Variants in C2orf49 observed in about 807,000 individuals in gnomAD.
The protein encoded by C2orf49 is tRNA splicing ligase complex subunit 2, also known as tRNA-splicing ligase complex subunit ASW.
Under a neutral mutation model 20.6 loss-of-function variants are expected in C2orf49, and 11 were observed. The observed-to-expected ratio is 0.53, with a 90% CI of 0.34 to 0.88. C2orf49 has a LOEUF of 0.88. Among genes scored for constraint, C2orf49 ranks in the 40% least tolerant of loss-of-function variants. The pLI is 0.02. For synonymous variants in C2orf49, 134 were observed against 108.5 expected, an observed-to-expected ratio of 1.24 and a Z score of -1.46; for missense variants, 289 against 274.2, an observed-to-expected ratio of 1.05 and a Z score of -0.38.
At chr2:105,362,542 G>A in the C2orf49 span, among the ~76,000 whole-genome samples, 1 of 152,208 alleles carries the variant, frequency 6.6e-6, no homozygotes, top group Non-Finnish European at 1.5e-5. Flanking sequence ...CCTCTGATAG[G>A]AACGAACCAG....
chr2:105,344,746 A>ATT lies in C2orf49; in HGVS notation c.643-556_643-555dup, dbSNP rs563406363. 9.7e-3 allele frequency among the ~76,000 whole-genome samples: 1,409 copies of ATT among 145,268 alleles called. 34 individuals carry two copies. Among genetic ancestry groups the ATT allele is most frequent in the African/African-American group, 0.034 (1,345 of 39,834 alleles). ...AGGCGCCTGCCACCACACCCAGCTA[A>ATT]TTTTTTTTTTTTTTATTTTTGTAGA... is the stretch of plus-strand genomic sequence containing the variant. On this transcript the variant is annotated intron_variant, in intron 3 of 3. Coordinates refer to ENST00000258457, the MANE Select transcript of C2orf49 (RefSeq NM_024093.3).
downstream of C2orf49, among the ~76,000 whole-genome samples, chr2:105,354,059 A>AT (rs1679994689): frequency 6.6e-6 from 1 of 152,220 alleles, no homozygotes; most frequent in South Asian, 2.1e-4. Context: ...CTCGGGCTTC[A>AT]TTTTTGTGAT....
Position 105,346,025 on chromosome 2 carries a change from T to C in C2orf49, c.*654T>C, listed in dbSNP as rs1470967362. On this transcript the variant is annotated 3_prime_UTR_variant, in exon 4 of 4. Transcript: ENST00000258457. The stretch of plus-strand genomic sequence containing the variant: ...CTCTCATTAGCCTTGTTCAGAGTCT[T>C]TGGGGGAAATTTGAGATTTTTGAGA... 2.6e-5 allele frequency: 4 copies of C among 152,180 alleles called. No homozygotes were observed. The highest frequency in any genetic ancestry group is 7.2e-5 in the African/African-American group (3 of 41,428). 9.4% of individuals were successfully genotyped at this position (152,180 alleles called of 1,614,324 possible). A position where few individuals can be genotyped will look rare whatever the true frequency, so the allele number is the denominator to read the frequency against.
the C2orf49 span, among the ~76,000 whole-genome samples, chr2:105,384,833 G>A: frequency 6.6e-6 from 1 of 152,212 alleles, no homozygotes; most frequent in African/African-American, 2.4e-5. Flanking sequence ...TTATAGATGT[G>A]GAGATGTGCA....
chr2:105,341,410 T>C (rs1225454816), intron 2 of C2orf49, among the ~76,000 whole-genome samples: 1 of 152,202 alleles, frequency 6.6e-6, no homozygotes, highest in Non-Finnish European at 1.5e-5. Context: ...GTTGAACTAC[T>C]TATTATTTTA....
chr2:105,339,820 C>T (rs1573241270), intron 2 of C2orf49, 71 bp downstream of exon 2: 4 of 1,335,672 alleles, frequency 3.0e-6, no homozygotes. Flanking sequence ...ATTGATTTTT[C>T]CTGAGATAAA....
chr2:105,376,588 A>G, the C2orf49 span: 8 of 152,260 alleles, frequency 5.3e-5, no homozygotes, highest in Non-Finnish European at 8.8e-5. Flanking sequence ...CATTAAGAAT[A>G]AATTTTGTGT....
At chr2:105,344,746 A>AT (rs563406363) in intron 3 of C2orf49, among the ~76,000 whole-genome samples, 3,730 of 145,194 alleles carry the variant, frequency 0.026, 137 homozygotes, top group African/African-American at 0.081. Flanking sequence ...CACCCAGCTA[A>AT]TTTTTTTTTT....
chr2:105,365,899 A>T, the C2orf49 span, among the ~76,000 whole-genome samples: 1 of 152,072 alleles, frequency 6.6e-6, no homozygotes, highest in Non-Finnish European at 1.5e-5. Context: ...AATAAAATTT[A>T]AAATAACAGT....
chr2:105,377,469 A>G, the C2orf49 span, among the ~76,000 whole-genome samples: 2 of 152,212 alleles, frequency 1.3e-5, no homozygotes, highest in South Asian at 2.1e-4. Context: ...CATCTCTACT[A>G]AAAATACAAA....
At chr2:105,362,553 T>G in the C2orf49 span, among the ~76,000 whole-genome samples, 1 of 152,184 alleles carries the variant, frequency 6.6e-6, no homozygotes, top group Non-Finnish European at 1.5e-5. Context: ...AACGAACCAG[T>G]CAACTGAATG....
At position 105,348,549 on chromosome 2, in the gene C2orf49, T is replaced by A. The variant is rs1205985618; in HGVS notation, c.*3178T>A. The A allele has an allele frequency of 6.8e-6, 1 of 147,684 alleles. No homozygotes were observed. Among genetic ancestry groups the A allele is most frequent in the Admixed American group, 6.8e-5 (1 of 14,774 alleles). 9.1% of individuals were successfully genotyped at this position (147,684 alleles called of 1,614,324 possible). On this transcript the variant is annotated 3_prime_UTR_variant, in exon 4 of 4. Coordinates refer to ENST00000258457, the MANE Select transcript of C2orf49 (RefSeq NM_024093.3). ...AATCATATATATATATATATATATA[T>A]ATATATATGTAAGAGCTTCCTCTAT...
At chr2:105,341,500 A>G (rs1166543176) in intron 2 of C2orf49, among the ~76,000 whole-genome samples, 2 of 152,254 alleles carry the variant, frequency 1.3e-5, no homozygotes, top group South Asian at 4.1e-4. Flanking sequence ...CCATAGCAAC[A>G]TAGCCCTGTG....
At chr2:105,381,554 G>A in the C2orf49 span, among the ~76,000 whole-genome samples, 1 of 152,108 alleles carries the variant, frequency 6.6e-6, no homozygotes, top group East Asian at 1.9e-4. Context: ...ATGTCTTGTG[G>A]CTGAACTTTT....
Position 105,345,062 on chromosome 2 carries a change from G to A in C2orf49, c.643-253G>A, listed in dbSNP as rs576756567. Among the ~76,000 whole-genome samples the A allele has an allele frequency of 7.9e-5, 12 of 152,176 alleles. No homozygotes were observed. In the South Asian group the frequency reaches 2.1e-3, roughly 26 times the overall value. ...ATCCCCCTACCTTTTATGGATTCTG[G>A]TTTAATTGGTTCTGTGATAAGACCA... On this transcript the variant is annotated intron_variant, in intron 3 of 3. Coordinates refer to ENST00000258457, the MANE Select transcript of C2orf49 (RefSeq NM_024093.3).
chr2:105,349,091 T>G lies in C2orf49; in HGVS notation c.*3720T>G, dbSNP rs1005766810. On this transcript the variant is annotated 3_prime_UTR_variant, in exon 4 of 4. Transcript: ENST00000258457. ...AAGCTCTTAACAAAATGAGACAAAC[T>G]AGAGATTCAGTTGAGAGATTTTATG... 1 of 152,182 alleles carries G rather than the reference T, an allele frequency of 6.6e-6. No individual in the cohort carries two copies. The highest frequency in any genetic ancestry group is 2.4e-5 in the African/African-American group (1 of 41,452). The allele number at this position is 152,182 out of a possible 1,614,324, so 9.4% of individuals were successfully genotyped here.
At chr2:105,358,463 C>G in the C2orf49 span, 1 of 152,420 alleles carries the variant, frequency 6.6e-6, no homozygotes, top group Non-Finnish European at 1.5e-5. Context: ...GGGGCAAAGC[C>G]CTAGACTGGT....
At chr2:105,356,407 AAC>A in the C2orf49 span, among the ~76,000 whole-genome samples, 2 of 151,896 alleles carry the variant, frequency 1.3e-5, no homozygotes, top group African/African-American at 4.8e-5. Context: ...ACAACAACAA[AAC>A]ACACAGGCAC....
the C2orf49 span, among the ~76,000 whole-genome samples, chr2:105,372,024 A>T: frequency 6.6e-6 from 1 of 152,136 alleles, no homozygotes. Flanking sequence ...GTCACCATGC[A>T]GCCCTTCCAG....
Sources: gnomAD v4.1 joint callset for allele counts (sites outside exome capture counted in the v4.1 genomes callset) on GRCh38, gnomAD v4.1.1 for gene constraint, MANE v1.5 for transcripts, NCBI Gene and HGNC (gene_info 2026-07-23, HGNC 2026-07-21) for gene names.